VAT1L: variants seen among roughly 807,000 people sequenced by gnomAD.
The protein encoded by VAT1L is putative NADPH-dependent quinone oxidoreductase VAT1L.
VAT1L carries 34 observed loss-of-function variants against 44.1 expected under a neutral mutation model. The observed-to-expected ratio is 0.77, with a 90% CI of 0.59 to 1.03. The LOEUF (loss-of-function observed/expected upper bound fraction) is 1.03, where lower values mean the gene tolerates loss of function less well. VAT1L is among the 50% of genes least tolerant of loss of function. The pLI is 0.00. For missense variants in VAT1L, 615 were observed against 538.8 expected, an observed-to-expected ratio of 1.14 and a Z score of -1.40; for synonymous variants, 253 against 202.2, an observed-to-expected ratio of 1.25 and a Z score of -2.13.
chr16:77,938,142 G>A (rs1008117703), intron 7 of VAT1L, among the ~76,000 whole-genome samples: 2 of 152,136 alleles, frequency 1.3e-5, no homozygotes, highest in African/African-American at 2.4e-5. Flanking sequence ...TAATGAATCA[G>A]AAGTTATTAG....
At chr16:77,958,396 T>C (rs1354103455) in intron 7 of VAT1L, among the ~76,000 whole-genome samples, 1 of 152,188 alleles carries the variant, frequency 6.6e-6, no homozygotes, top group Admixed American at 6.5e-5. Context: ...CGCAGGTCTT[T>C]CCAAGGGACT....
intron 7 of VAT1L, among the ~76,000 whole-genome samples, chr16:77,886,360 G>T (rs2017209618): frequency 6.6e-6 from 1 of 152,110 alleles, no homozygotes; most frequent in African/African-American, 2.4e-5. Flanking sequence ...AGAGAAAACG[G>T]AATCATCAAG....
At chr16:77,972,668 C>G (rs2142545968) in intron 8 of VAT1L, among the ~76,000 whole-genome samples, 1 of 152,172 alleles carries the variant, frequency 6.6e-6, no homozygotes, top group Non-Finnish European at 1.5e-5. Context: ...GTAATCCCAG[C>G]TACTGGGGAG....
chr16:77,910,431 G>A (rs9934663), intron 7 of VAT1L, among the ~76,000 whole-genome samples: 9 of 152,192 alleles, frequency 5.9e-5, no homozygotes, highest in Non-Finnish European at 1.0e-4. Context: ...CCAGCACTTT[G>A]GGAGGCCGAG....
At chr16:77,944,768 G>C (rs1353626429) in intron 7 of VAT1L, among the ~76,000 whole-genome samples, 4 of 152,028 alleles carry the variant, frequency 2.6e-5, no homozygotes, top group Non-Finnish European at 5.9e-5. Context: ...GTCTATTTTA[G>C]TTCCTTAAAC....
chr16:77,870,552 G>C (rs2017020800), intron 4 of VAT1L, among the ~76,000 whole-genome samples: 2 of 152,190 alleles, frequency 1.3e-5, no homozygotes, highest in Non-Finnish European at 2.9e-5. Flanking sequence ...CACCATCCAG[G>C]GCCCGGGGCT....
rs904949194 is a variant in VAT1L, at chr16:77,877,952, G to A, written c.827-1217G>A. On this transcript the variant is annotated intron_variant, in intron 5 of 8. Transcript: ENST00000302536. The stretch of plus-strand genomic sequence containing the variant: ...GTCCCTGCACGTTGCAAGGATATCG[G>A]ATATGACTAACATGTGAGTCAAATG... Among the ~76,000 whole-genome samples, 3 of 152,308 alleles carry A rather than the reference G, an allele frequency of 2.0e-5. 1 individual carries two copies. The highest frequency in any genetic ancestry group is 3.4e-3 in the Middle Eastern group (1 of 294).
rs1229573472 is a variant in VAT1L at position 77,884,797 on chromosome 16, G to C, written c.1072G>C (p.Glu358Gln). ...KPVVDSLWAL[E>Q]EVKEAMQRIH... ...TGTGGTGGACTCCTTGTGGGCTCTG[G>C]AGGAGGTAAGAATGGTGCTTTTCTT... The change falls in exon 7 of 9, where the codon GAG becomes CAG. Residue 358 changes from glutamate to glutamine, a missense_variant. Glu to Gln is a conservative substitution (Grantham distance 29). Transcript: ENST00000302536. This position sits in a 1 kb window ranked among gnomAD's most constrained non-coding sequence, Gnocchi z 4.5. The C allele has an allele frequency of 1.3e-6, 2 of 1,495,914 alleles. No individual in the cohort carries two copies. Among genetic ancestry groups the C allele is most frequent in the Non-Finnish European group, 1.8e-6 (2 of 1,126,758 alleles). The allele number at this position is 1,495,914 out of a possible 1,614,324, so 92.7% of individuals were successfully genotyped here. A position where few individuals can be genotyped will look rare whatever the true frequency, so the allele number is the denominator to read the frequency against.
intron 7 of VAT1L, among the ~76,000 whole-genome samples, chr16:77,926,004 T>C (rs1301705701): frequency 1.3e-5 from 2 of 152,080 alleles, no homozygotes; most frequent in Non-Finnish European, 2.9e-5. Context: ...GGCTCATACC[T>C]GTAATCCTAG....
intron 7 of VAT1L, among the ~76,000 whole-genome samples, chr16:77,931,542 A>G (rs58048392): frequency 3.3e-5 from 5 of 152,254 alleles, no homozygotes; most frequent in Non-Finnish European, 7.3e-5. Context: ...AAAATTCACC[A>G]GTTATATGAG....
intron 7 of VAT1L, among the ~76,000 whole-genome samples, chr16:77,935,208 C>G (rs550847328): frequency 1.6e-4 from 25 of 152,146 alleles, no homozygotes; most frequent in African/African-American, 6.0e-4. Flanking sequence ...AGTGAAATCT[C>G]TTTTAGGTTG....
intron 7 of VAT1L, among the ~76,000 whole-genome samples, chr16:77,937,909 G>T (rs145289304): frequency 5.5e-4 from 84 of 152,214 alleles, no homozygotes; most frequent in African/African-American, 1.8e-3. Context: ...AAATACTTAA[G>T]ATAGAATCAC....
Position 77,902,793 on chromosome 16 carries a change from A to AC in VAT1L, c.1077+17995dup, listed in dbSNP as rs796624772. 5.7e-4 allele frequency among the ~76,000 whole-genome samples: 86 copies of AC among 151,244 alleles called. 1 individual carries two copies. Among genetic ancestry groups the AC allele is most frequent in the African/African-American group, 2.1e-3 (85 of 41,206 alleles). On this transcript the variant is annotated intron_variant, in intron 7 of 8. Transcript: ENST00000302536. ...AGACTAGCCTGGCCAACATGGTGAA[A>AC]CCCCATCTCTACTAAAAATACCACA...
At chr16:77,793,631 G>T (rs1222896265) in intron 1 of VAT1L, among the ~76,000 whole-genome samples, 2 of 152,162 alleles carry the variant, frequency 1.3e-5, no homozygotes, top group Non-Finnish European at 2.9e-5. Flanking sequence ...AAATTGGCTT[G>T]CAGTAGAAGG....
At chr16:77,911,203 G>A (rs1040358872) in intron 7 of VAT1L, among the ~76,000 whole-genome samples, 7 of 152,204 alleles carry the variant, frequency 4.6e-5, no homozygotes, top group Admixed American at 2.6e-4. Flanking sequence ...GTGCAATATC[G>A]TTGGTTATCC....
chr16:77,880,422 A>G (rs1000615566), intron 6 of VAT1L, among the ~76,000 whole-genome samples: 4 of 151,982 alleles, frequency 2.6e-5, no homozygotes, highest in African/African-American at 4.8e-5. Context: ...AGCCTCCCAA[A>G]GTGCTGGAAT....
chr16:77,927,042 C>T (rs2017676820), intron 7 of VAT1L, among the ~76,000 whole-genome samples: 2 of 152,078 alleles, frequency 1.3e-5, no homozygotes, highest in African/African-American at 4.8e-5. Context: ...AATTAGTACA[C>T]ATCAACACTG....
At chr16:77,940,388 G>C (rs1227312509) in intron 7 of VAT1L, among the ~76,000 whole-genome samples, 4 of 132,238 alleles carry the variant, frequency 3.0e-5, no homozygotes, top group East Asian at 2.3e-4. Flanking sequence ...CTGTCTTCCA[G>C]GTTGAATTGC....
Position 77,884,380 on chromosome 16 carries a change from G to A in VAT1L, c.883-228G>A, listed in dbSNP as rs2142461118. ...AGACGTTGCAGTAAGCTGAGATCATGCCACTGCACTCCAGCCTGGGCTACA... is the reference window on the plus strand; with the variant it reads ...AGACGTTGCAGTAAGCTGAGATCATACCACTGCACTCCAGCCTGGGCTACA... On this transcript the variant is annotated intron_variant, in intron 6 of 8. Transcript: ENST00000302536. The surrounding 1 kb of genome is among the most constrained non-coding windows in gnomAD (Gnocchi z 4.5). Among the ~76,000 whole-genome samples, 1 of 152,108 alleles carries A rather than the reference G, an allele frequency of 6.6e-6. No homozygotes were observed. Among genetic ancestry groups the A allele is most frequent in the South Asian group, 2.1e-4 (1 of 4,802 alleles).
Sources: gnomAD v4.1 joint callset for allele counts (sites outside exome capture counted in the v4.1 genomes callset) on GRCh38, gnomAD v4.1.1 for gene constraint, Gnocchi (gnomAD v3.1) non-coding constraint, MANE v1.5 for transcripts, NCBI Gene and HGNC (gene_info 2026-07-23, HGNC 2026-07-21) for gene names.